Variants in RWDD4 observed in about 807,000 individuals in gnomAD.
The protein encoded by RWDD4 is RWD domain-containing protein 4.
RWDD4 carries 16 observed loss-of-function variants against 30.0 expected under a neutral mutation model. The observed-to-expected ratio is 0.53, with a 90% CI of 0.36 to 0.81. The LOEUF is 0.81. Among genes scored for constraint, RWDD4 ranks in the 30% least tolerant of loss-of-function variants. RWDD4 has a pLI of 0.00. For missense variants in RWDD4, 170 were observed against 223.9 expected, an observed-to-expected ratio of 0.76 and a Z score of 1.54; for synonymous variants, 45 against 72.1, an observed-to-expected ratio of 0.62 and a Z score of 1.90.
intron 5 of RWDD4, 99 bp downstream of exon 5, chr4:183,649,352 T>G: frequency 2.8e-6 from 2 of 706,862 alleles, no homozygotes; most frequent in South Asian, 3.4e-5. Context: ...AGGTGGAGGC[T>G]GCAGTGAGCT....
At chr4:183,653,374 GC>G (rs2111247593) in intron 2 of RWDD4, among the ~76,000 whole-genome samples, 1 of 151,700 alleles carries the variant, frequency 6.6e-6, no homozygotes, top group South Asian at 2.1e-4. Context: ...TTAGAGACCA[GC>G]CTGGGCAACA....
intron 2 of RWDD4, among the ~76,000 whole-genome samples, chr4:183,654,850 A>G (rs1002226765): frequency 1.3e-5 from 2 of 152,182 alleles, no homozygotes; most frequent in Non-Finnish European, 2.9e-5. Context: ...CATAAGAATC[A>G]TTTCTAATAG....
At position 183,659,158 on chromosome 4, in the gene RWDD4, G is replaced by A; in HGVS notation, c.-206C>T. ...GCAGTGGGCTGTGGGCTACGAGCCG[G>A]AGCCGCGGCTGGTGGGGCCTGGGAA... On this transcript the variant is annotated 5_prime_UTR_variant, in exon 1 of 8. Coordinates refer to ENST00000326397, the MANE Select transcript of RWDD4 (RefSeq NM_152682.4). The A allele has an allele frequency of 2.5e-6, 1 of 405,728 alleles. No homozygotes were observed. Among genetic ancestry groups the A allele is most frequent in the Non-Finnish European group, 4.3e-6 (1 of 234,058 alleles). The allele number at this position is 405,728 out of a possible 1,614,324, so 25.1% of individuals were successfully genotyped here. A position where few individuals can be genotyped will look rare whatever the true frequency, so the allele number is the denominator to read the frequency against.
intron 5 of RWDD4, 39 bp downstream of exon 5, chr4:183,649,412 C>T: frequency 7.3e-7 from 1 of 1,368,636 alleles, no homozygotes; most frequent in Non-Finnish European, 1.0e-6. Flanking sequence ...GAGACTCTGT[C>T]AAAAAAAAGA....
chr4:183,642,597 G>A (rs1285413495), intron 7 of RWDD4, among the ~76,000 whole-genome samples: 2 of 152,144 alleles, frequency 1.3e-5, no homozygotes, highest in East Asian at 3.9e-4. Flanking sequence ...CACAGTATAA[G>A]TACTAAGAAC....
At chr4:183,657,832 G>A (rs1734235911) in intron 1 of RWDD4, among the ~76,000 whole-genome samples, 1 of 152,216 alleles carries the variant, frequency 6.6e-6, no homozygotes, top group Non-Finnish European at 1.5e-5. Flanking sequence ...TCGGTCATCT[G>A]AAAGAAGAAT....
chr4:183,654,803 G>A (rs1661626747), intron 2 of RWDD4, among the ~76,000 whole-genome samples: 1 of 152,156 alleles, frequency 6.6e-6, no homozygotes, highest in South Asian at 2.1e-4. Context: ...ATTGAGAACA[G>A]AAACTTATTT....
At chr4:183,649,986 T>C (rs1734044578) in intron 4 of RWDD4, among the ~76,000 whole-genome samples, 1 of 152,206 alleles carries the variant, frequency 6.6e-6, no homozygotes. Flanking sequence ...TGTGCCTACC[T>C]AGAACATCCT....
At chr4:183,646,293 T>C in intron 7 of RWDD4, 58 bp downstream of exon 7, 2 of 781,734 alleles carry the variant, frequency 2.6e-6, no homozygotes, top group Non-Finnish European at 4.5e-6. Flanking sequence ...AAAAAAAAGA[T>C]CTAAAATTGA....
chr4:183,658,577 TA>T (rs1174970087), intron 1 of RWDD4, among the ~76,000 whole-genome samples: 1 of 152,166 alleles, frequency 6.6e-6, no homozygotes, highest in Non-Finnish European at 1.5e-5. Context: ...ATGACCAGAC[TA>T]AAATTTAAAG....
chr4:183,651,293 A>G lies in RWDD4; in HGVS notation c.140T>C (p.Ile47Thr), dbSNP rs760660802. 4 of 1,612,280 alleles carry G rather than the reference A, an allele frequency of 2.5e-6. No individual in the cohort carries two copies. Among genetic ancestry groups the G allele is most frequent in the Non-Finnish European group, 3.4e-6 (4 of 1,179,900 alleles). The change falls in exon 3 of 8, where the codon ATA (isoleucine) becomes ACA (threonine). Residue 47 changes from isoleucine to threonine, a missense_variant. Physicochemically the swap from Ile to Thr is moderately conservative, Grantham distance 89 (BLOSUM62 -1). Transcript: ENST00000326397. ...GENGDPKAFL[I>T]EISWTETYPQ... ...ATATGTTTCTGTCCAGGAAATCTCT[A>G]TTAAGAAGGCTTTGGGATCACCATT...
At chr4:183,652,612 C>A (rs1304393678) in intron 2 of RWDD4, among the ~76,000 whole-genome samples, 1 of 152,000 alleles carries the variant, frequency 6.6e-6, no homozygotes, top group Non-Finnish European at 1.5e-5. Flanking sequence ...GAGATCGAGA[C>A]CATCCTGGCC....
chr4:183,645,695 C>T (rs1200039268), intron 7 of RWDD4, among the ~76,000 whole-genome samples: 2 of 151,980 alleles, frequency 1.3e-5, no homozygotes, highest in Admixed American at 1.3e-4. Flanking sequence ...CTGGGAGGTC[C>T]AAGGCTGCAG....
At chr4:183,645,014 C>T (rs547410175) in intron 7 of RWDD4, among the ~76,000 whole-genome samples, 14 of 152,152 alleles carry the variant, frequency 9.2e-5, no homozygotes, top group East Asian at 7.7e-4. Flanking sequence ...GTGAGAGGAT[C>T]GCTTAATCTG....
At chr4:183,652,544 G>A (rs976407346) in intron 2 of RWDD4, among the ~76,000 whole-genome samples, 1 of 152,004 alleles carries the variant, frequency 6.6e-6, no homozygotes, top group African/African-American at 2.4e-5. Context: ...GGACACAGTG[G>A]CTCATGTCTG....
intron 4 of RWDD4, 26 bp downstream of exon 4, chr4:183,650,958 C>A (rs180768862): frequency 1.9e-6 from 3 of 1,585,924 alleles, no homozygotes; most frequent in Non-Finnish European, 1.7e-6. Flanking sequence ...CAAAAGAATC[C>A]GGCAAAAAAA....
intron 2 of RWDD4, 119 bp from the exon 3 acceptor site, chr4:183,651,446 T>C (rs1734075056): frequency 1.3e-6 from 1 of 787,312 alleles, no homozygotes; most frequent in Non-Finnish European, 2.1e-6. Flanking sequence ...AAATGTAATA[T>C]TTTGAAAAGT....
At chr4:183,653,230 A>G (rs1579130965) in intron 2 of RWDD4, among the ~76,000 whole-genome samples, 2 of 152,168 alleles carry the variant, frequency 1.3e-5, no homozygotes, top group Non-Finnish European at 2.9e-5. Flanking sequence ...GGTTTAGGTG[A>G]TCTTCTCCAG....
At chr4:183,652,659 A>C (rs866539708) in intron 2 of RWDD4, among the ~76,000 whole-genome samples, 19 of 151,904 alleles carry the variant, frequency 1.3e-4, no homozygotes, top group African/African-American at 4.1e-4. Flanking sequence ...AAAATACAAA[A>C]ATTAGCTGGG....
Sources: gnomAD v4.1 joint callset for allele counts (sites outside exome capture counted in the v4.1 genomes callset) on GRCh38, gnomAD v4.1.1 for gene constraint, MANE v1.5 for transcripts, NCBI Gene and HGNC (gene_info 2026-07-23, HGNC 2026-07-21) for gene names.